FANCA: variants seen among roughly 807,000 people sequenced by gnomAD.
FANCA encodes Fanconi anemia group A protein.
In FANCA, 236 loss-of-function variants were observed where a neutral mutation model predicts 194.3. That is an observed-to-expected ratio of 1.21 (90% CI 1.09 to 1.35). The LOEUF is 1.35. Ranked by LOEUF, FANCA falls within the 40% of genes most tolerant of loss-of-function variation. The probability of loss-of-function intolerance (pLI) is 0.00; values close to 1 mark genes in which losing one functional copy is unlikely to be tolerated. For missense variants in FANCA, 2,628 were observed against 1,813.9 expected, an observed-to-expected ratio of 1.45 and a Z score of -8.15; for synonymous variants, 1,014 against 715.8, an observed-to-expected ratio of 1.42 and a Z score of -6.65.
chr16:89,773,786 T>TC (rs1467477206), intron 21 of FANCA, among the ~76,000 whole-genome samples: 1 of 151,010 alleles, frequency 6.6e-6, no homozygotes, highest in African/African-American at 2.4e-5. Flanking sequence ...TTTTTTTTTT[T>TC]TTTTTGAGAT....
At chr16:89,810,397 T>C (rs2040831105) in intron 5 of FANCA, among the ~76,000 whole-genome samples, 1 of 152,188 alleles carries the variant, frequency 6.6e-6, no homozygotes, top group African/African-American at 2.4e-5. Context: ...ACATACATTT[T>C]TTTTTAATAG....
At chr16:89,759,077 T>G (rs1345492827) in intron 29 of FANCA, among the ~76,000 whole-genome samples, 2 of 151,454 alleles carry the variant, frequency 1.3e-5, no homozygotes, top group Non-Finnish European at 1.5e-5. Flanking sequence ...TCCCAGCACT[T>G]TGGGAGGCTC....
At chr16:89,813,626 G>T (rs1252393512) in intron 3 of FANCA, among the ~76,000 whole-genome samples, 1 of 152,028 alleles carries the variant, frequency 6.6e-6, no homozygotes, top group East Asian at 1.9e-4. Context: ...TAGAGACAGG[G>T]TTTCACCATG....
chr16:89,798,925 G>T, intron 10 of FANCA: 2 of 1,603,496 alleles, frequency 1.2e-6, no homozygotes, highest in East Asian at 4.5e-5. Flanking sequence ...TTCCAGAGGC[G>T]GAACAGGATA....
Position 89,803,647 on chromosome 16 carries a change from G to A in FANCA, c.710-306C>T, listed in dbSNP as rs1481237196. On this transcript the variant is annotated intron_variant, in intron 7 of 42. Coordinates refer to ENST00000389301, the MANE Select transcript of FANCA (RefSeq NM_000135.4). ...TTCTTTTTTTTTTTTTTTGTGAGAC[G>A]GAGGCTTGCTCTGTCGCCTGGGCTT... is the stretch of plus-strand genomic sequence containing the variant. Among the ~76,000 whole-genome samples, 18 of 145,050 alleles carry A rather than the reference G, an allele frequency of 1.2e-4. 1 individual carries two copies. Among genetic ancestry groups the A allele is most frequent in the Non-Finnish European group, 2.2e-4 (15 of 67,244 alleles).
intron 5 of FANCA, among the ~76,000 whole-genome samples, chr16:89,810,126 T>C (rs984687116): frequency 6.6e-6 from 1 of 151,714 alleles, no homozygotes; most frequent in African/African-American, 2.4e-5. Context: ...ATCGAGACCA[T>C]CCTGGCTAAC....
intron 35 of FANCA, among the ~76,000 whole-genome samples, chr16:89,745,916 C>A (rs572302211): frequency 8.5e-5 from 13 of 152,342 alleles, no homozygotes; most frequent in Non-Finnish European, 1.8e-4. Context: ...TCACGAATTC[C>A]ACCAACTGAG....
chr16:89,746,454 A>G (rs2143104224), intron 35 of FANCA, 130 bp downstream of exon 35: 5 of 772,542 alleles, frequency 6.5e-6, no homozygotes, highest in East Asian at 2.7e-5. Context: ...TGTGGCTTCC[A>G]TGTCTCCTGA....
intron 42 of FANCA, 62 bp from the exon 43 acceptor site, chr16:89,738,770 G>A: frequency 5.0e-6 from 8 of 1,612,404 alleles, no homozygotes; most frequent in South Asian, 1.1e-5. Flanking sequence ...CACAGGGGAG[G>A]GGCTCTGGCA....
intron 3 of FANCA, among the ~76,000 whole-genome samples, chr16:89,813,644 G>C (rs1473287827): frequency 6.6e-6 from 1 of 152,122 alleles, no homozygotes; most frequent in African/African-American, 2.4e-5. Flanking sequence ...ATGTTGGCCA[G>C]GCTCGTCTCG....
At chr16:89,740,617 C>CA in intron 38 of FANCA, 187 bp downstream of exon 38, 1 of 600,500 alleles carries the variant, frequency 1.7e-6, no homozygotes, top group Non-Finnish European at 3.0e-6. Context: ...GCCTGGGTGA[C>CA]AGAGTGAGAC....
At chr16:89,759,997 G>T (rs1431547037) in intron 29 of FANCA, among the ~76,000 whole-genome samples, 1 of 152,178 alleles carries the variant, frequency 6.6e-6, no homozygotes, top group Non-Finnish European at 1.5e-5. Flanking sequence ...CGGGACCGGG[G>T]TGCTCCACCC....
intron 37 of FANCA, among the ~76,000 whole-genome samples, chr16:89,741,851 C>G: frequency 6.6e-6 from 1 of 152,196 alleles, no homozygotes; most frequent in East Asian, 1.9e-4. Flanking sequence ...GAAGGCACCA[C>G]TTGAAGGCTG....
rs2041144813 is a variant in FANCA, at chr16:89,816,612, A to C, written c.4T>G (p.Ser2Ala). Residue 2 changes from serine to alanine, a missense_variant, in exon 1 of 43, where the codon TCC becomes GCC. Coordinates refer to ENST00000389301, the MANE Select transcript of FANCA (RefSeq NM_000135.4). Reference protein sequence around the residue: MSDSWVPNSASG... With the variant: MADSWVPNSASG... ...GCGGAGTTCGGGACCCACGAGTCGGACATGGCCTTGGCGCCTACAGCCCCG... is the reference window on the plus strand; with the variant it reads ...GCGGAGTTCGGGACCCACGAGTCGGCCATGGCCTTGGCGCCTACAGCCCCG... 1 of 1,524,800 alleles carries C rather than the reference A, an allele frequency of 6.6e-7. No homozygotes were observed. The highest frequency in any genetic ancestry group is 8.7e-7 in the Non-Finnish European group (1 of 1,143,966). The allele number at this position is 1,524,800 out of a possible 1,614,324, so 94.5% of individuals were successfully genotyped here.
intron 27 of FANCA, 48 bp downstream of exon 27, chr16:89,767,093 A>T (rs776951081): frequency 2.7e-6 from 4 of 1,463,562 alleles, no homozygotes; most frequent in Non-Finnish European, 3.8e-6. Context: ...AGCTGCGTAA[A>T]CCTGAAACGT....
At chr16:89,750,717 G>C (rs1330222979) in intron 31 of FANCA, among the ~76,000 whole-genome samples, 2 of 152,072 alleles carry the variant, frequency 1.3e-5, no homozygotes, top group African/African-American at 2.4e-5. Context: ...AGGCTGCAGT[G>C]AGCCAAGATC....
rs2040846276 is a variant in FANCA at position 89,810,770 on chromosome 16, C to T, written c.459G>A (p.Gln153=). The change falls in exon 5 of 43, where the codon CAG becomes CAA. Residue 153 remains glutamine, a synonymous_variant. Transcript: ENST00000389301. ...KKLSSLLEFA[Q]YLLAHSMFSR... is the part of the protein sequence containing the mutation. ...AGAACATACTGTGTGCCAATAAATA[C>T]TGAGCAAACTCTAACAGGGAAGACA... 1 of 1,613,742 alleles carries T rather than the reference C, an allele frequency of 6.2e-7. No individual in the cohort carries two copies. The highest frequency in any genetic ancestry group is 8.5e-7 in the Non-Finnish European group (1 of 1,179,602).
intron 30 of FANCA, among the ~76,000 whole-genome samples, chr16:89,752,703 T>A (rs1015218363): frequency 3.9e-5 from 6 of 152,110 alleles, no homozygotes; most frequent in Non-Finnish European, 7.4e-5. Context: ...TATACTGAGG[T>A]GTGACCAGAA....
chr16:89,774,822 G>A (rs1002779537), intron 21 of FANCA, among the ~76,000 whole-genome samples: 1 of 150,680 alleles, frequency 6.6e-6, no homozygotes, highest in Non-Finnish European at 1.5e-5. Context: ...GGCTGGGTAC[G>A]GTTGCTCATG....
Sources: gnomAD v4.1 joint callset for allele counts (sites outside exome capture counted in the v4.1 genomes callset) on GRCh38, gnomAD v4.1.1 for gene constraint, MANE v1.5 for transcripts, NCBI Gene and HGNC (gene_info 2026-07-23, HGNC 2026-07-21) for gene names.